The following WDFY3 variants were observed in gnomAD, a reference collection of about 807,000 sequenced individuals.
WDFY3 encodes the protein WD repeat and FYVE domain containing 3.
Under a neutral mutation model 409.6 loss-of-function variants are expected in WDFY3, and 66 were observed. The ratio of observed to expected loss-of-function variants is 0.16; its 90% CI spans 0.13 to 0.20. The LOEUF is 0.20. Among genes scored for constraint, WDFY3 ranks in the 10% least tolerant of loss-of-function variants. The pLI is 1.00. For missense variants in WDFY3, 3,031 were observed against 4,298.1 expected (o/e 0.71, Z 8.24); for synonymous variants, 1,521 against 1,537.1 (o/e 0.99, Z 0.25).
intron 42 of WDFY3, 68 bp from the exon 43 acceptor site, chr4:84,735,188 T>A: frequency 8.0e-6 from 11 of 1,369,992 alleles, no homozygotes; most frequent in Non-Finnish European, 9.1e-6. Context: ...TAATTACCCT[T>A]GAAATTAATG....
chr4:84,931,858 A>C (rs1770806342), intron 2 of WDFY3, among the ~76,000 whole-genome samples: 1 of 152,198 alleles, frequency 6.6e-6, no homozygotes, highest in African/African-American at 2.4e-5. Context: ...AGACAGTTTA[A>C]TCCTTAAACT....
intron 46 of WDFY3, among the ~76,000 whole-genome samples, chr4:84,723,026 T>C (rs1410831827): frequency 1.3e-5 from 2 of 152,246 alleles, no homozygotes; most frequent in Non-Finnish European, 2.9e-5. Context: ...CGCTTTTAGC[T>C]CAATTAGAGA....
chr4:84,938,442 TTAG>T (rs1485745326), intron 1 of WDFY3, among the ~76,000 whole-genome samples: 1 of 152,214 alleles, frequency 6.6e-6, no homozygotes, highest in African/African-American at 2.4e-5. Context: ...CCCCTTATTA[TTAG>T]GTTTTAGACT....
intron 16 of WDFY3, among the ~76,000 whole-genome samples, chr4:84,802,384 C>T (rs1257634905): frequency 1.3e-5 from 2 of 151,922 alleles, no homozygotes; most frequent in African/African-American, 2.4e-5. Context: ...CTCAGTCCGC[C>T]GAGTAGCTCG....
At position 84,753,780 on chromosome 4, in the gene WDFY3, C is replaced by T; in HGVS notation, c.5656G>A (p.Ala1886Thr). 1 of 1,612,572 alleles carries T rather than the reference C, an allele frequency of 6.2e-7. No homozygotes were observed. The change falls in exon 35 of 68, where the codon GCC (alanine) becomes ACC (threonine). Residue 1886 changes from alanine to threonine, a missense_variant. Around this residue, in one of 16 missense-constraint regions of WDFY3, gnomAD observed 342 missense variants for 463.7 expected, o/e 0.74. Coordinates refer to ENST00000295888, the MANE Select transcript of WDFY3 (RefSeq NM_014991.6). Reference sequence around the variant, plus strand: ...AAGTCAGGGCTCATCCACATGGAGGCAAGGTCTGGCACGTTGTGATACAAA... The same window carrying T: ...AAGTCAGGGCTCATCCACATGGAGGTAAGGTCTGGCACGTTGTGATACAAA... ...RYLYHNVPDL[A>T]SMWMSPDFLC...
intron 44 of WDFY3, among the ~76,000 whole-genome samples, chr4:84,728,051 GA>G (rs768028329): frequency 1.4e-5 from 2 of 147,590 alleles, no homozygotes; most frequent in Non-Finnish European, 3.0e-5. Flanking sequence ...AAAAAAGAAA[GA>G]AAAAAAAATC....
intron 63 of WDFY3, among the ~76,000 whole-genome samples, chr4:84,683,253 G>T (rs768710164): frequency 6.6e-6 from 1 of 152,210 alleles, no homozygotes; most frequent in Non-Finnish European, 1.5e-5. Context: ...GGTACAGGGT[G>T]TGGTATTGGA....
chr4:84,797,908 T>C, intron 18 of WDFY3, 88 bp downstream of exon 18: 3 of 1,256,160 alleles, frequency 2.4e-6, no homozygotes, highest in Non-Finnish European at 2.2e-6. Context: ...TCTCTTTCTT[T>C]GCTTTCACAA....
chr4:84,830,638 A>G (rs1316947425), intron 8 of WDFY3, among the ~76,000 whole-genome samples: 3 of 152,228 alleles, frequency 2.0e-5, no homozygotes, highest in South Asian at 2.1e-4. Context: ...TTTAAAAGAT[A>G]GCTGAATATT....
intron 2 of WDFY3, among the ~76,000 whole-genome samples, chr4:84,905,684 G>A (rs79721213): frequency 2.3e-4 from 35 of 152,172 alleles, no homozygotes; most frequent in African/African-American, 6.3e-4. Flanking sequence ...AAAACCCTTC[G>A]GTGGCTTTCA....
In WDFY3 at chr4:84,692,982, TC is replaced by T; in HGVS notation, c.8951del (p.Gly2984GlufsTer22). On this transcript the variant is annotated frameshift_variant, in exon 59 of 68. Transcript: ENST00000295888. LOFTEE classifies it high-confidence loss of function. ...GTAGGACAGAGATTCCTGCATTGTCTCCATTGAGTCGACTTCTCACTCGCTT... is the reference window on the plus strand; with the variant it reads ...GTAGGACAGAGATTCCTGCATTGTCTCATTGAGTCGACTTCTCACTCGCTT... ...PPKRVRSRLN[G>X]DNAGISVLPG... is the part of the protein sequence containing the mutation. 6.2e-7 allele frequency: 1 copy of T among 1,612,024 alleles called. No individual in the cohort carries two copies.
intron 3 of WDFY3, among the ~76,000 whole-genome samples, chr4:84,889,658 T>C (rs1200829336): frequency 6.6e-6 from 1 of 152,210 alleles, no homozygotes; most frequent in Non-Finnish European, 1.5e-5. Flanking sequence ...TCACTATCTA[T>C]GTGACGTCAG....
intron 63 of WDFY3, chr4:84,683,034 C>T (rs1727662502): frequency 6.5e-6 from 1 of 154,030 alleles, no homozygotes; most frequent in Non-Finnish European, 1.4e-5. Context: ...TTGTTTCCTA[C>T]AAAAACCTCT....
In WDFY3 at chr4:84,770,139, C is replaced by T. The variant is rs559981477; in HGVS notation, c.4849+2696G>A. Among the ~76,000 whole-genome samples, 11 of 152,152 alleles carry T rather than the reference C, an allele frequency of 7.2e-5. No individual in the cohort carries two copies. In the South Asian group the frequency reaches 1.9e-3, roughly 26 times the overall value. On this transcript the variant is annotated intron_variant, in intron 30 of 67. Coordinates refer to ENST00000295888, the MANE Select transcript of WDFY3 (RefSeq NM_014991.6). ...TGCCTCCCAGGTTCAAGCCATTCTC[C>T]TGCCTCAGCCTCCTGAGTAGCTGGG...
At chr4:84,841,058 C>A in intron 6 of WDFY3, 96 bp downstream of exon 6, 1 of 937,642 alleles carries the variant, frequency 1.1e-6, no homozygotes, top group South Asian at 1.7e-5. Flanking sequence ...ATCATAGTAT[C>A]TCATTTGGAT....
rs892355970 is a variant in WDFY3, at chr4:84,677,337, C to T, written c.10319G>A (p.Ser3440Asn). ...AGCAGCAGAACGGCCTGGCTGGTCA[C>T]TCACAGACCAGCTGAAAACTCGGCC... ...SRGRVFSWSVSDQPGRSAADH... is the reference protein window; with the variant it reads ...SRGRVFSWSVNDQPGRSAADH... Residue 3440 changes from serine to asparagine, a missense_variant, in exon 67 of 68, where the codon AGT (serine) becomes AAT (asparagine). Physicochemically the swap from Ser to Asn is conservative, Grantham distance 46 (BLOSUM62 1). Transcript: ENST00000295888. 63 of 1,614,038 alleles carry T rather than the reference C, an allele frequency of 3.9e-5. No homozygotes were observed. Among genetic ancestry groups the T allele is most frequent in the Non-Finnish European group, 5.3e-5 (62 of 1,180,018 alleles).
chr4:84,888,236 T>C (rs1764479422), intron 3 of WDFY3, among the ~76,000 whole-genome samples: 1 of 152,150 alleles, frequency 6.6e-6, no homozygotes, highest in Non-Finnish European at 1.5e-5. Flanking sequence ...CAAAGGCAAA[T>C]ACGAATAAAA....
chr4:84,779,072 G>A (rs939206134), intron 26 of WDFY3, among the ~76,000 whole-genome samples: 1 of 151,440 alleles, frequency 6.6e-6, no homozygotes, highest in Non-Finnish European at 1.5e-5. Flanking sequence ...TTTGCAACAC[G>A]GTCTTAATAA....
At chr4:84,719,417 G>A (rs906070951) in intron 47 of WDFY3, among the ~76,000 whole-genome samples, 1 of 152,160 alleles carries the variant, frequency 6.6e-6, no homozygotes, top group Non-Finnish European at 1.5e-5. Flanking sequence ...AGTTCAACAT[G>A]AGTCAAGACA....
Sources: gnomAD v4.1 joint callset for allele counts (sites outside exome capture counted in the v4.1 genomes callset) on GRCh38, gnomAD v4.1.1 for gene constraint, gnomAD v4.1.1 regional missense constraint, MANE v1.5 for transcripts, NCBI Gene and HGNC (gene_info 2026-07-23, HGNC 2026-07-21) for gene names.